MMP26: variants seen among roughly 807,000 people sequenced by gnomAD.
MMP26 encodes the protein matrix metallopeptidase 26.
Under a neutral mutation model 31.0 loss-of-function variants are expected in MMP26, and 33 were observed. That is an observed-to-expected ratio of 1.06 (90% CI 0.81 to 1.42). The LOEUF is 1.42. Ranked by LOEUF, MMP26 falls within the 40% of genes most tolerant of loss-of-function variation. The pLI, the probability that MMP26 is intolerant of heterozygous loss-of-function variation, is 0.00. For synonymous variants in MMP26, 122 were observed against 114.9 expected (o/e 1.06, Z -0.40); for missense variants, 347 against 316.1 (o/e 1.10, Z -0.74).
chr11:4,990,825 C>G, intron 5 of MMP26, 79 bp downstream of exon 5: 1 of 1,415,318 alleles, frequency 7.1e-7, no homozygotes, highest in Admixed American at 2.2e-5. Flanking sequence ...AAACAAAAAC[C>G]TAGCCCCCCT....
At chr11:4,753,770 C>A (rs1196646993) in intron 1 of MMP26, among the ~76,000 whole-genome samples, 3 of 152,064 alleles carry the variant, frequency 2.0e-5, no homozygotes, top group Non-Finnish European at 2.9e-5. Context: ...AAAGCCCATT[C>A]ATCTTGCCTC....
At chr11:4,814,868 A>C (rs1849399361) in intron 2 of MMP26, among the ~76,000 whole-genome samples, 1 of 152,180 alleles carries the variant, frequency 6.6e-6, no homozygotes. Flanking sequence ...GACAGGTCTC[A>C]ATCAATTTAG....
intron 2 of MMP26, among the ~76,000 whole-genome samples, chr11:4,890,989 A>AATAATAATAATG (rs1850611372): frequency 7.2e-6 from 1 of 138,380 alleles, no homozygotes; most frequent in South Asian, 2.2e-4. Context: ...GAATAATAAT[A>AATAATAATAATG]ATAATAATAA....
intron 2 of MMP26, among the ~76,000 whole-genome samples, chr11:4,770,431 A>G (rs1432792687): frequency 6.6e-6 from 1 of 152,218 alleles, no homozygotes; most frequent in Non-Finnish European, 1.5e-5. Context: ...ATCCAACACT[A>G]TAGGTAAACA....
intron 2 of MMP26, chr11:4,848,970 C>T (rs757042763): frequency 6.2e-7 from 1 of 1,614,094 alleles, no homozygotes; most frequent in Admixed American, 1.7e-5. Context: ...AGTGACCAAT[C>T]CAATATCAGA....
chr11:4,803,551 A>T (rs1228377056), intron 2 of MMP26: 1 of 1,614,054 alleles, frequency 6.2e-7, no homozygotes, highest in South Asian at 1.1e-5. Flanking sequence ...AGCAAACAGG[A>T]TGTGTACAAC....
At chr11:4,846,062 A>G (rs1248792105) in intron 2 of MMP26, among the ~76,000 whole-genome samples, 1 of 152,210 alleles carries the variant, frequency 6.6e-6, no homozygotes, top group East Asian at 1.9e-4. Context: ...TATATACCCA[A>G]AAGAAAGGAA....
chr11:4,844,563 C>T (rs1182455358), intron 2 of MMP26, among the ~76,000 whole-genome samples: 1 of 152,120 alleles, frequency 6.6e-6, no homozygotes, highest in East Asian at 1.9e-4. Flanking sequence ...GATAATTCAT[C>T]ATGAGCAAGT....
chr11:4,882,300 A>G lies in MMP26; in HGVS notation c.-144-105768A>G, dbSNP rs1169746154. 12 of 1,613,828 alleles carry G rather than the reference A, an allele frequency of 7.4e-6. No homozygotes were observed. The highest frequency in any genetic ancestry group is 3.3e-5 in the Admixed American group (2 of 59,966). Reference sequence around the variant, plus strand: ...GTGGCTATCTGTAACCCACTGAACTATGCTACTATCCTCACAGACAGGATG... The same window carrying G: ...GTGGCTATCTGTAACCCACTGAACTGTGCTACTATCCTCACAGACAGGATG... On this transcript the variant is annotated intron_variant, in intron 2 of 7. Transcript: ENST00000380390.
chr11:4,785,342 G>A (rs1848925807), intron 2 of MMP26, among the ~76,000 whole-genome samples: 1 of 152,008 alleles, frequency 6.6e-6, no homozygotes, highest in Admixed American at 6.5e-5. Context: ...TCAAGATCTT[G>A]TCCCCTAATT....
intron 2 of MMP26, among the ~76,000 whole-genome samples, chr11:4,818,973 T>C (rs1849456811): frequency 6.6e-6 from 1 of 152,010 alleles, no homozygotes. Flanking sequence ...ATATTAGAGG[T>C]TGAATAGAAA....
chr11:4,981,406 A>G (rs1400419458), intron 2 of MMP26, among the ~76,000 whole-genome samples: 1 of 152,142 alleles, frequency 6.6e-6, no homozygotes, highest in Non-Finnish European at 1.5e-5. Flanking sequence ...GCAGCATGCT[A>G]TTGTACTAAA....
chr11:4,981,949 T>C (rs947838741), intron 2 of MMP26, among the ~76,000 whole-genome samples: 8 of 151,930 alleles, frequency 5.3e-5, no homozygotes, highest in Non-Finnish European at 8.8e-5. Flanking sequence ...CACTGGAAGG[T>C]CTTCAGGGTG....
At chr11:4,785,862 A>G (rs2412432) in intron 2 of MMP26, among the ~76,000 whole-genome samples, 58,801 of 152,106 alleles carry the variant, frequency 0.39, 13,814 homozygotes, top group Non-Finnish European at 0.51. Context: ...CTACTGTCTA[A>G]TAGATCTGTT....
chr11:4,750,746 A>G (rs2133300482), intron 1 of MMP26, among the ~76,000 whole-genome samples: 1 of 152,152 alleles, frequency 6.6e-6, no homozygotes, highest in East Asian at 1.9e-4. Context: ...TTAGAGTGAA[A>G]TAATAGACAT....
At chr11:4,877,352 A>G (rs888447919) in intron 2 of MMP26, 5 of 152,336 alleles carry the variant, frequency 3.3e-5, no homozygotes, top group African/African-American at 1.2e-4. Context: ...ATTCATCGCT[A>G]TGGGAAGCAT....
At chr11:4,818,769 C>A (rs1003308231) in intron 2 of MMP26, among the ~76,000 whole-genome samples, 1 of 151,894 alleles carries the variant, frequency 6.6e-6, no homozygotes, top group Non-Finnish European at 1.5e-5. Flanking sequence ...TATGTGTTTC[C>A]GGAATAGAGA....
intron 2 of MMP26, chr11:4,946,721 G>A (rs1402814487): frequency 1.3e-6 from 2 of 1,589,638 alleles, no homozygotes; most frequent in East Asian, 2.2e-5. Context: ...GTTGTGGATG[G>A]CTAGGAATCT....
intron 2 of MMP26, among the ~76,000 whole-genome samples, chr11:4,776,193 T>A (rs1028164912): frequency 1.3e-5 from 2 of 152,166 alleles, no homozygotes; most frequent in African/African-American, 2.4e-5. Context: ...ATCTAGTCAT[T>A]CTTTGATGGA....
Sources: gnomAD v4.1 joint callset for allele counts (sites outside exome capture counted in the v4.1 genomes callset) on GRCh38, gnomAD v4.1.1 for gene constraint, MANE v1.5 for transcripts, NCBI Gene and HGNC (gene_info 2026-07-23, HGNC 2026-07-21) for gene names.